The following EXOC3L2 variants were observed in gnomAD, a reference collection of about 807,000 sequenced individuals.
The protein encoded by EXOC3L2 is exocyst complex component 3 like 2.
EXOC3L2 carries 17 observed loss-of-function variants against 44.4 expected under a neutral mutation model. That is an observed-to-expected ratio of 0.38 (90% CI 0.26 to 0.57). The LOEUF (loss-of-function observed/expected upper bound fraction) is 0.57, where lower values mean the gene tolerates loss of function less well. Among genes scored for constraint, EXOC3L2 ranks in the 20% least tolerant of loss-of-function variants. The probability of loss-of-function intolerance (pLI) is 0.65; values close to 1 mark genes in which losing one functional copy is unlikely to be tolerated. For synonymous variants in EXOC3L2, 256 were observed against 253.7 expected (o/e 1.01, Z -0.09); for missense variants, 541 against 588.4 (o/e 0.92, Z 0.83).
At chr19:45,219,752 G>A (rs907557048) in intron 8 of EXOC3L2, among the ~76,000 whole-genome samples, 1 of 152,118 alleles carries the variant, frequency 6.6e-6, no homozygotes, top group Non-Finnish European at 1.5e-5. Flanking sequence ...GCTGATTTTG[G>A]GGGGAAGTTA....
chr19:45,229,889 T>C (rs1970011850), intron 4 of EXOC3L2, among the ~76,000 whole-genome samples: 1 of 148,668 alleles, frequency 6.7e-6, no homozygotes. Flanking sequence ...TATAATATAA[T>C]ATATTATTGT....
At chr19:45,233,712 T>C (rs887486725) in intron 3 of EXOC3L2, among the ~76,000 whole-genome samples, 2 of 152,172 alleles carry the variant, frequency 1.3e-5, no homozygotes, top group Non-Finnish European at 2.9e-5. Flanking sequence ...ATTCTAAGAC[T>C]GGAAGCATCA....
intron 8 of EXOC3L2, among the ~76,000 whole-genome samples, chr19:45,224,238 T>C (rs12975661): frequency 0.011 from 1,623 of 151,966 alleles, 34 homozygotes; most frequent in Middle Eastern, 0.01. Context: ...AAGGGGCTGA[T>C]TGTGCCGGGT....
chr19:45,213,893 G>A (rs1435717403), intron 11 of EXOC3L2, among the ~76,000 whole-genome samples: 2 of 151,916 alleles, frequency 1.3e-5, no homozygotes, highest in African/African-American at 4.8e-5. Flanking sequence ...GGCAGAGGTT[G>A]CAGTGAGCTG....
chr19:45,212,892 G>T lies in EXOC3L2; in HGVS notation c.*177C>A. 1 of 646,770 alleles carries T rather than the reference G, an allele frequency of 1.5e-6. No homozygotes were observed. Among genetic ancestry groups the T allele is most frequent in the South Asian group, 3.1e-5 (1 of 32,182 alleles). 40.1% of individuals were successfully genotyped at this position (646,770 alleles called of 1,614,324 possible). A position where few individuals can be genotyped will look rare whatever the true frequency, so the allele number is the denominator to read the frequency against. On this transcript the variant is annotated 3_prime_UTR_variant, in exon 12 of 12. Transcript: ENST00000413988. ...TGGGATTACAGGCATGAGCCACCGT[G>T]CCTGGCGTTTGTTTCCCTTCTGTAC...
At chr19:45,217,864 C>T (rs1969853740) in intron 9 of EXOC3L2, among the ~76,000 whole-genome samples, 181 bp from the exon 10 acceptor site, 1 of 151,992 alleles carries the variant, frequency 6.6e-6, no homozygotes, top group Non-Finnish European at 1.5e-5. Flanking sequence ...CCTTCCCTGG[C>T]CCCCTAATTA....
In EXOC3L2 at chr19:45,218,208, C is replaced by A; in HGVS notation, c.1831G>T (p.Glu611Ter). The stretch of plus-strand genomic sequence containing the variant: ...TCAGGCAGGTGCACCTGGTAAGGCT[C>A]GTCCTGCATTCTGCGCAGGGCCAGG... ...QALALRRMQDEPYQALVAELH... is the reference protein window; with the variant it reads ...QALALRRMQD Residue 611 changes from glutamate to a stop codon, truncating the protein, a stop_gained, in exon 9 of 12, where the codon GAG becomes TAG. Coordinates refer to ENST00000413988, the MANE Select transcript of EXOC3L2 (RefSeq NM_001382422.1). LOFTEE classifies it high-confidence loss of function. 1 of 1,488,076 alleles carries A rather than the reference C, an allele frequency of 6.7e-7. No individual in the cohort carries two copies. The highest frequency in any genetic ancestry group is 9.1e-7 in the Non-Finnish European group (1 of 1,104,238). The allele number at this position is 1,488,076 out of a possible 1,614,324, so 92.2% of individuals were successfully genotyped here.
rs115974605 is a variant in EXOC3L2, at chr19:45,237,557, C to T, written c.523+966G>A. On this transcript the variant is annotated intron_variant, in intron 2 of 11. Coordinates refer to ENST00000413988, the MANE Select transcript of EXOC3L2 (RefSeq NM_001382422.1). ...AAGGATGAGCTGTACGAGAAGCATA[C>T]GGATGTGTCTCAGATAGAGACTGAT... is the stretch of plus-strand genomic sequence containing the variant. Among the ~76,000 whole-genome samples, 451 of 152,052 alleles carry T rather than the reference C, an allele frequency of 3.0e-3. 2 individuals are homozygous for T. Among genetic ancestry groups the T allele is most frequent in the African/African-American group, 0.01 (418 of 41,466 alleles).
At chr19:45,216,939 G>A (rs1330773715) in intron 10 of EXOC3L2, 2 of 152,174 alleles carry the variant, frequency 1.3e-5, no homozygotes, top group Non-Finnish European at 2.9e-5. Context: ...AATAAGATCT[G>A]GCGGTTTTTA....
intron 11 of EXOC3L2, among the ~76,000 whole-genome samples, chr19:45,214,716 C>T (rs1969815195): frequency 1.3e-5 from 2 of 151,888 alleles, no homozygotes; most frequent in African/African-American, 4.8e-5. Context: ...CCACCTACCT[C>T]GGCCTCCCAA....
chr19:45,244,363 G>T (rs1970153253), intron 1 of EXOC3L2, among the ~76,000 whole-genome samples: 1 of 151,986 alleles, frequency 6.6e-6, no homozygotes, highest in East Asian at 1.9e-4. Flanking sequence ...AGTCAACCTT[G>T]CCCGGACTAC....
chr19:45,218,158 TCCCCC>T, intron 9 of EXOC3L2, 34 bp downstream of exon 9: 26 of 1,034,888 alleles, frequency 2.5e-5, no homozygotes, highest in African/African-American at 3.3e-5. Context: ...TCCCCTCTTT[TCCCCC>T]ACCCCCACCT....
At chr19:45,224,252 G>C (rs1261950082) in intron 8 of EXOC3L2, among the ~76,000 whole-genome samples, 1 of 152,184 alleles carries the variant, frequency 6.6e-6, no homozygotes, top group East Asian at 1.9e-4. Flanking sequence ...GCCGGGTTGT[G>C]GGGGCTACAG....
chr19:45,224,605 T>C (rs1293528325), intron 8 of EXOC3L2, among the ~76,000 whole-genome samples, 173 bp downstream of exon 8: 1 of 151,954 alleles, frequency 6.6e-6, no homozygotes, highest in African/African-American at 2.4e-5. Flanking sequence ...TCCCGGTGGG[T>C]GCACCCTCTC....
At chr19:45,223,855 G>T (rs555451418) in intron 8 of EXOC3L2, among the ~76,000 whole-genome samples, 3 of 151,920 alleles carry the variant, frequency 2.0e-5, no homozygotes, top group Non-Finnish European at 4.4e-5. Context: ...TTAGCTGGGC[G>T]TGGTGGTGCA....
chr19:45,215,619 G>A (rs1183435659), intron 11 of EXOC3L2, among the ~76,000 whole-genome samples: 1 of 152,186 alleles, frequency 6.6e-6, no homozygotes, highest in African/African-American at 2.4e-5. Flanking sequence ...CCTATGACGA[G>A]AATACTACTA....
At chr19:45,220,008 C>T (rs1568480179) in intron 8 of EXOC3L2, among the ~76,000 whole-genome samples, 1 of 151,702 alleles carries the variant, frequency 6.6e-6, no homozygotes, top group African/African-American at 2.4e-5. Context: ...CCCATCTCTA[C>T]TAAAAATACA....
chr19:45,235,111 G>A (rs1199175073), intron 2 of EXOC3L2, among the ~76,000 whole-genome samples: 1 of 152,062 alleles, frequency 6.6e-6, no homozygotes, highest in African/African-American at 2.4e-5. Flanking sequence ...GACCAGCCTG[G>A]CCAACATGGC....
At chr19:45,231,594 C>G (rs902327828) in intron 4 of EXOC3L2, among the ~76,000 whole-genome samples, 169 bp downstream of exon 4, 1 of 152,074 alleles carries the variant, frequency 6.6e-6, no homozygotes, top group Non-Finnish European at 1.5e-5. Context: ...TACCAAGTGT[C>G]TCTGTACAGC....
Sources: allele counts gnomAD v4.1 joint callset (sites outside exome capture counted in the v4.1 genomes callset), GRCh38; gene constraint gnomAD v4.1.1; transcripts MANE v1.5; gene names NCBI Gene and HGNC (gene_info 2026-07-23, HGNC 2026-07-21).